The following SGCZ variants were observed in gnomAD, a reference collection of about 807,000 sequenced individuals.
SGCZ encodes sarcoglycan zeta, also known as zeta-sarcoglycan.
In SGCZ, 40 loss-of-function variants were observed where a neutral mutation model predicts 41.3. The observed-to-expected ratio is 0.97, with a 90% confidence interval of 0.75 to 1.26. SGCZ has a LOEUF of 1.26. Ranked by LOEUF, SGCZ falls within the 50% of genes most tolerant of loss-of-function variation. The pLI, the probability that SGCZ is intolerant of heterozygous loss-of-function variation, is 0.00. For missense variants in SGCZ, 552 were observed against 369.8 expected (o/e 1.49, Z -4.04); for synonymous variants, 206 against 137.5 (o/e 1.50, Z -3.49).
chr8:14,763,521 G>C (rs984846389), intron 1 of SGCZ, among the ~76,000 whole-genome samples: 4 of 152,110 alleles, frequency 2.6e-5, no homozygotes, highest in African/African-American at 9.7e-5. Context: ...TTGAGTATCT[G>C]CATAGGAGAC....
intron 2 of SGCZ, among the ~76,000 whole-genome samples, chr8:14,511,817 G>A (rs941657407): frequency 1.3e-5 from 2 of 152,034 alleles, no homozygotes; most frequent in African/African-American, 4.8e-5. Flanking sequence ...CAGGATATTT[G>A]CTAGGTTAGG....
chr8:14,586,030 T>C (rs1415071704), intron 1 of SGCZ, among the ~76,000 whole-genome samples: 1 of 152,122 alleles, frequency 6.6e-6, no homozygotes, highest in African/African-American at 2.4e-5. Context: ...GATAATTTTA[T>C]TTAAAACAAA....
At chr8:15,196,570 A>T (rs1800739036) in intron 1 of SGCZ, among the ~76,000 whole-genome samples, 1 of 152,156 alleles carries the variant, frequency 6.6e-6, no homozygotes, top group Admixed American at 6.5e-5. Context: ...TTTTCATTTG[A>T]CTACAGAAGA....
At chr8:14,110,260 G>A (rs1264855400) in intron 5 of SGCZ, among the ~76,000 whole-genome samples, 1 of 152,036 alleles carries the variant, frequency 6.6e-6, no homozygotes, top group Non-Finnish European at 1.5e-5. Context: ...TCCCAGAAAA[G>A]ATAGTGAAAA....
At chr8:15,113,725 A>T (rs2116934587) in intron 1 of SGCZ, among the ~76,000 whole-genome samples, 1 of 152,212 alleles carries the variant, frequency 6.6e-6, no homozygotes, top group African/African-American at 2.4e-5. Flanking sequence ...AAAGGCTCCC[A>T]CCAGCTCGTT....
At chr8:14,751,622 G>A (rs1186370075) in intron 1 of SGCZ, among the ~76,000 whole-genome samples, 3 of 152,102 alleles carry the variant, frequency 2.0e-5, no homozygotes, top group African/African-American at 7.2e-5. Context: ...TGAAAAGAGA[G>A]GCTGGTTTTA....
Position 14,642,967 on chromosome 8 carries a change from G to C in SGCZ, c.40-88041C>G, listed in dbSNP as rs935761771. Among the ~76,000 whole-genome samples the C allele has an allele frequency of 2.0e-5, 3 of 151,620 alleles. No homozygotes were observed. In the South Asian group the frequency reaches 6.2e-4, roughly 32 times the overall value. ...CACCTCGATATATTGCAAACCCCTA[G>C]AAAAATGACCTGTGCATAGAAGGTG... On this transcript the variant is annotated intron_variant, in intron 1 of 7. Coordinates refer to ENST00000382080, the MANE Select transcript of SGCZ (RefSeq NM_139167.4).
At chr8:14,614,824 T>A (rs1194201058) in intron 1 of SGCZ, among the ~76,000 whole-genome samples, 3 of 152,112 alleles carry the variant, frequency 2.0e-5, no homozygotes, top group Non-Finnish European at 4.4e-5. Context: ...GAAAAATGAA[T>A]AATAAAATAT....
chr8:15,153,157 C>T (rs565225290), intron 1 of SGCZ, among the ~76,000 whole-genome samples: 2 of 152,110 alleles, frequency 1.3e-5, no homozygotes, highest in Admixed American at 6.6e-5. Flanking sequence ...TTTAGATGTA[C>T]AGGAGATAAA....
At chr8:14,967,283 C>A (rs191606841) in intron 1 of SGCZ, among the ~76,000 whole-genome samples, 14 of 152,262 alleles carry the variant, frequency 9.2e-5, no homozygotes, top group African/African-American at 3.4e-4. Context: ...GATTCACCAA[C>A]CCCAGTTTCA....
At chr8:14,437,155 C>T (rs1455903088) in intron 2 of SGCZ, among the ~76,000 whole-genome samples, 1 of 152,066 alleles carries the variant, frequency 6.6e-6, no homozygotes, top group Non-Finnish European at 1.5e-5. Flanking sequence ...CTGATATTTA[C>T]AAAATTTTTA....
chr8:14,437,822 A>T lies in SGCZ; in HGVS notation c.235-113618T>A, dbSNP rs537769529. ...ATTCAACATTTCATGCATTTAATAA[A>T]AATTTATAATTTTAATATAAGGATT... On this transcript the variant is annotated intron_variant, in intron 2 of 7. Coordinates refer to ENST00000382080, the MANE Select transcript of SGCZ (RefSeq NM_139167.4). Among the ~76,000 whole-genome samples, 42 of 151,972 alleles carry T rather than the reference A, an allele frequency of 2.8e-4. 1 individual carries two copies. In the South Asian group the frequency reaches 4.3e-3, roughly 16 times the overall value.
chr8:14,832,397 C>A (rs577499168), intron 1 of SGCZ, among the ~76,000 whole-genome samples: 27 of 152,156 alleles, frequency 1.8e-4, no homozygotes, highest in African/African-American at 6.0e-4. Context: ...TTCCATAATG[C>A]CCAGGTGGTC....
intron 2 of SGCZ, among the ~76,000 whole-genome samples, chr8:14,517,331 A>T (rs1193135465): frequency 6.6e-6 from 1 of 152,106 alleles, no homozygotes; most frequent in African/African-American, 2.4e-5. Flanking sequence ...GAGCTACATG[A>T]TCTCTTTCAT....
intron 2 of SGCZ, among the ~76,000 whole-genome samples, chr8:14,445,632 C>A (rs555589757): frequency 1.7e-4 from 26 of 152,284 alleles, no homozygotes; most frequent in African/African-American, 6.3e-4. Context: ...TCCCATGCCA[C>A]CTCATTATCC....
chr8:14,553,937 G>C (rs921356454), intron 2 of SGCZ, among the ~76,000 whole-genome samples: 3 of 152,004 alleles, frequency 2.0e-5, no homozygotes, highest in Non-Finnish European at 4.4e-5. Flanking sequence ...AGGTCCCCAA[G>C]GAAAAGCAGA....
intron 4 of SGCZ, among the ~76,000 whole-genome samples, chr8:14,187,091 A>G (rs1384234056): frequency 6.6e-6 from 1 of 152,192 alleles, no homozygotes; most frequent in East Asian, 1.9e-4. Context: ...AAGGTGGCTG[A>G]GTACACATGC....
chr8:15,215,828 G>C lies in SGCZ; in HGVS notation c.39+21757C>G, dbSNP rs969588002. On this transcript the variant is annotated intron_variant, in intron 1 of 7. Coordinates refer to ENST00000382080, the MANE Select transcript of SGCZ (RefSeq NM_139167.4). ...TAGACTGACAAAACATATTTTTAAA[G>C]TAAAATTCTTTGGCAGCCTGTATGC... is the stretch of plus-strand genomic sequence containing the variant. Among the ~76,000 whole-genome samples the C allele has an allele frequency of 2.0e-4, 31 of 152,160 alleles. 1 individual carries two copies. The highest frequency in any genetic ancestry group is 7.2e-4 in the African/African-American group (30 of 41,436).
chr8:14,153,902 GTCTCTCTCTC>G (rs140286697), intron 5 of SGCZ, among the ~76,000 whole-genome samples: 1 of 146,710 alleles, frequency 6.8e-6, no homozygotes, highest in Admixed American at 6.9e-5. Flanking sequence ...CAGTCTGTCT[GTCTCTCTCTC>G]TCTCTCTCTC....
Sources: gnomAD v4.1 joint callset for allele counts (sites outside exome capture counted in the v4.1 genomes callset) on GRCh38, gnomAD v4.1.1 for gene constraint, MANE v1.5 for transcripts, NCBI Gene and HGNC (gene_info 2026-07-23, HGNC 2026-07-21) for gene names.